Variants in SLC35F4 observed in about 807,000 individuals in gnomAD.
The protein encoded by SLC35F4 is solute carrier family 35 member F4.
SLC35F4 carries 24 observed loss-of-function variants against 44.2 expected under a neutral mutation model. The observed-to-expected ratio is 0.54, with a 90% CI of 0.39 to 0.76. SLC35F4 has a LOEUF of 0.76. SLC35F4 is among the 30% of genes least tolerant of loss of function. SLC35F4 has a pLI of 0.00. For synonymous variants in SLC35F4, 238 were observed against 223.6 expected (o/e 1.06, Z -0.57); for missense variants, 562 against 586.1 (o/e 0.96, Z 0.42).
chr14:57,853,214 G>A (rs1474463376), intron 1 of SLC35F4, among the ~76,000 whole-genome samples: 1 of 152,102 alleles, frequency 6.6e-6, no homozygotes, highest in Non-Finnish European at 1.5e-5. Context: ...AATTCTCAAG[G>A]ACTTATACTC....
chr14:57,838,009 C>G (rs558621797), intron 1 of SLC35F4, among the ~76,000 whole-genome samples: 1 of 152,146 alleles, frequency 6.6e-6, no homozygotes, highest in East Asian at 1.9e-4. Context: ...TGCTTTTACA[C>G]TGATTCAGTG....
At chr14:57,636,677 G>T (rs909885218) in intron 1 of SLC35F4, among the ~76,000 whole-genome samples, 8 of 151,992 alleles carry the variant, frequency 5.3e-5, no homozygotes. Context: ...GTTAGATGAC[G>T]ATTTCTGCTT....
At chr14:57,706,169 T>C (rs1376623867) in intron 1 of SLC35F4, among the ~76,000 whole-genome samples, 2 of 152,202 alleles carry the variant, frequency 1.3e-5, no homozygotes, top group Non-Finnish European at 2.9e-5. Context: ...TTACTAGTAA[T>C]AACTATGCCT....
intron 1 of SLC35F4, among the ~76,000 whole-genome samples, chr14:57,749,337 C>G (rs936700056): frequency 2.0e-5 from 3 of 152,064 alleles, no homozygotes; most frequent in African/African-American, 7.2e-5. Context: ...TTGGGAGTAA[C>G]CATTCAGAAA....
At chr14:57,819,313 ACTG>A (rs1274733632) in intron 1 of SLC35F4, among the ~76,000 whole-genome samples, 1 of 152,092 alleles carries the variant, frequency 6.6e-6, no homozygotes, top group African/African-American at 2.4e-5. Context: ...ATATTATACA[ACTG>A]TATGGGGAAA....
intron 4 of SLC35F4, chr14:57,580,961 G>A (rs2069208324): frequency 3.0e-6 from 1 of 330,210 alleles, no homozygotes; most frequent in Non-Finnish European, 5.5e-6. Flanking sequence ...TCTAATATAG[G>A]AACTTGTTTT....
chr14:57,919,594 G>A (rs1356035478), intron 1 of SLC35F4, among the ~76,000 whole-genome samples: 2 of 152,186 alleles, frequency 1.3e-5, no homozygotes, highest in African/African-American at 2.4e-5. Flanking sequence ...TTATATTCCA[G>A]GGGTGGACCA....
Position 57,675,832 on chromosome 14 carries a change from A to G in SLC35F4, c.104-81708T>C, listed in dbSNP as rs1002922074. ...ATGTCACATTTATTGACTTGTGTATAAAGACTTAAATCAAGACCTGAAACC... is the reference window on the plus strand; with the variant it reads ...ATGTCACATTTATTGACTTGTGTATGAAGACTTAAATCAAGACCTGAAACC... On this transcript the variant is annotated intron_variant, in intron 1 of 7. Transcript: ENST00000556826. 1.3e-5 allele frequency among the ~76,000 whole-genome samples: 2 copies of G among 152,160 alleles called. 1 individual carries two copies.
chr14:57,753,678 A>G (rs1406717440), intron 1 of SLC35F4, among the ~76,000 whole-genome samples: 1 of 152,114 alleles, frequency 6.6e-6, no homozygotes, highest in African/African-American at 2.4e-5. Flanking sequence ...GGGCAGCACC[A>G]AGAAGGGACT....
intron 1 of SLC35F4, among the ~76,000 whole-genome samples, chr14:57,923,144 G>T (rs545457012): frequency 2.0e-5 from 3 of 152,070 alleles, no homozygotes; most frequent in East Asian, 3.9e-4. Context: ...AGAATTCAAG[G>T]TTTTTTTTAA....
At chr14:57,933,675 T>A (rs17733240) in intron 1 of SLC35F4, among the ~76,000 whole-genome samples, 10,424 of 152,212 alleles carry the variant, frequency 0.068, 427 homozygotes, top group Middle Eastern at 0.13. Context: ...CTCATTGAAA[T>A]CAATGCAGAT....
chr14:57,935,075 T>G (rs1889772315), intron 1 of SLC35F4, among the ~76,000 whole-genome samples: 1 of 152,158 alleles, frequency 6.6e-6, no homozygotes, highest in Admixed American at 6.5e-5. Flanking sequence ...AGGCCCCAGA[T>G]TCACACTCAT....
upstream of SLC35F4, among the ~76,000 whole-genome samples, chr14:57,869,137 A>G (rs1595257537): frequency 1.3e-5 from 2 of 152,128 alleles, no homozygotes; most frequent in Admixed American, 1.3e-4. Context: ...TGATCATCTG[A>G]TCAAATCAGA....
At chr14:57,893,930 T>C (rs946033290) in intron 1 of SLC35F4, among the ~76,000 whole-genome samples, 2 of 152,136 alleles carry the variant, frequency 1.3e-5, no homozygotes, top group Non-Finnish European at 2.9e-5. Context: ...TTACTTTTCA[T>C]AGAAATTCAA....
chr14:57,812,606 G>A (rs1422789357), intron 1 of SLC35F4, among the ~76,000 whole-genome samples: 1 of 152,074 alleles, frequency 6.6e-6, no homozygotes, highest in Admixed American at 6.5e-5. Flanking sequence ...GGGTCCTGGG[G>A]CCCAATGAAT....
chr14:57,853,352 G>A (rs528968678), intron 1 of SLC35F4, among the ~76,000 whole-genome samples: 2 of 152,180 alleles, frequency 1.3e-5, no homozygotes, highest in Non-Finnish European at 2.9e-5. Flanking sequence ...CTTGATTGAA[G>A]CCTATAATTT....
At chr14:57,945,933 G>T (rs191017761) in intron 1 of SLC35F4, among the ~76,000 whole-genome samples, 40 of 152,098 alleles carry the variant, frequency 2.6e-4, no homozygotes, top group Admixed American at 2.5e-3. Context: ...CTTGAGAATT[G>T]TCTATTCATG....
chr14:57,728,733 G>A (rs146480384), intron 1 of SLC35F4, among the ~76,000 whole-genome samples: 2,211 of 152,114 alleles, frequency 0.015, 21 homozygotes, highest in African/African-American at 0.027. Flanking sequence ...AAAGTGCTGG[G>A]ATTACACGCA....
chr14:57,951,630 T>G (rs1435345169), intron 1 of SLC35F4, among the ~76,000 whole-genome samples: 2 of 152,182 alleles, frequency 1.3e-5, no homozygotes, highest in African/African-American at 2.4e-5. Flanking sequence ...GAGGCTTGAA[T>G]AGGCGGTTTT....
Sources: allele counts gnomAD v4.1 joint callset (sites outside exome capture counted in the v4.1 genomes callset), GRCh38; gene constraint gnomAD v4.1.1; transcripts MANE v1.5; gene names NCBI Gene and HGNC (gene_info 2026-07-23, HGNC 2026-07-21).